Variants in CDR2 observed in about 807,000 individuals in gnomAD.
CDR2 encodes the protein cerebellar degeneration related protein 2.
Under a neutral mutation model 48.4 loss-of-function variants are expected in CDR2, and 34 were observed. That is an observed-to-expected ratio of 0.70 (90% CI 0.53 to 0.94). The LOEUF (loss-of-function observed/expected upper bound fraction) is 0.94, where lower values mean the gene tolerates loss of function less well. Ranked by LOEUF, CDR2 falls within the 40% of genes least tolerant of loss-of-function variation. The pLI is 0.00. For synonymous variants in CDR2, 240 were observed against 219.7 expected (o/e 1.09, Z -0.82); for missense variants, 498 against 549.5 (o/e 0.91, Z 0.94).
intron 2 of CDR2, among the ~76,000 whole-genome samples, chr16:22,352,801 G>A (rs1057503224): frequency 6.6e-6 from 1 of 152,150 alleles, no homozygotes; most frequent in African/African-American, 2.4e-5. Flanking sequence ...CACATGGCAC[G>A]GTCTATAAAA....
intron 1 of CDR2, among the ~76,000 whole-genome samples, chr16:22,366,225 A>C (rs1437707923): frequency 6.6e-6 from 1 of 152,202 alleles, no homozygotes; most frequent in Non-Finnish European, 1.5e-5. Flanking sequence ...TACTGTGATA[A>C]ACAGTATTCA....
At chr16:22,354,327 A>T (rs1360307188) in intron 2 of CDR2, among the ~76,000 whole-genome samples, 1 of 152,180 alleles carries the variant, frequency 6.6e-6, no homozygotes, top group Non-Finnish European at 1.5e-5. Flanking sequence ...TGGATCAATG[A>T]TGACTCTTCA....
Position 22,349,393 on chromosome 16 carries a change from C to G in CDR2, c.392G>C (p.Ser131Thr). 6.2e-7 allele frequency: 1 copy of G among 1,614,136 alleles called. No individual in the cohort carries two copies. Among genetic ancestry groups the G allele is most frequent in the Non-Finnish European group, 8.5e-7 (1 of 1,179,996 alleles). The change falls in exon 4 of 5, where the codon AGC becomes ACC. Residue 131 changes from serine (S) to threonine (T), a missense_variant. Coordinates refer to ENST00000268383, the MANE Select transcript of CDR2 (RefSeq NM_001802.2). ...AGATGACTTCAGCTCCTCCACTTGGCTCTGGAGGTGATCAATGTTGGTTTG... is the reference window on the plus strand; with the variant it reads ...AGATGACTTCAGCTCCTCCACTTGGGTCTGGAGGTGATCAATGTTGGTTTG... Reference protein sequence around the residue: ...CLQTNIDHLQSQVEELKSSGQ... With the variant: ...CLQTNIDHLQTQVEELKSSGQ...
chr16:22,356,804 T>C (rs78374258), intron 2 of CDR2, among the ~76,000 whole-genome samples: 2 of 150,582 alleles, frequency 1.3e-5, no homozygotes, highest in South Asian at 2.1e-4. Context: ...GGCAAGGTAG[T>C]GTATGCCTGT....
chr16:22,373,962 A>G (rs1598298811), intron 1 of CDR2, among the ~76,000 whole-genome samples: 2 of 152,320 alleles, frequency 1.3e-5, no homozygotes, highest in African/African-American at 4.8e-5. Context: ...TAATCCACGG[A>G]AAGCGCTTAA....
chr16:22,349,439 T>A lies in CDR2; in HGVS notation c.346A>T (p.Thr116Ser), dbSNP rs1016405779. Residue 116 changes from threonine (T) to serine (S), a missense_variant, in exon 4 of 5, where the codon ACT becomes TCT. Coordinates refer to ENST00000268383, the MANE Select transcript of CDR2 (RefSeq NM_001802.2). ...KASQQKILSL[T>S]ETIECLQTNI... ...GTTTGCAGGCATTCAATCGTTTCAG[T>A]CAGGCTGTGAGGAACAGACAGAAGC... 6.2e-7 allele frequency: 1 copy of A among 1,614,026 alleles called. No individual in the cohort carries two copies. Among genetic ancestry groups the A allele is most frequent in the African/African-American group, 1.3e-5 (1 of 74,918 alleles).
At chr16:22,351,402 T>C (rs2048941144) in intron 2 of CDR2, among the ~76,000 whole-genome samples, 1 of 152,176 alleles carries the variant, frequency 6.6e-6, no homozygotes, top group Admixed American at 6.5e-5. Flanking sequence ...CTGGGTCAAA[T>C]GGTAATTCTA....
Position 22,374,178 on chromosome 16 carries a change from G to T in CDR2, c.79+53C>A, listed in dbSNP as rs558458667. Reference sequence around the variant, plus strand: ...AGCAACTTTTTAACAGTTTCGCAGCGGGGGCCTCCCGGGCCAGGCCGCCGC... The same window carrying T: ...AGCAACTTTTTAACAGTTTCGCAGCTGGGGCCTCCCGGGCCAGGCCGCCGC... On this transcript the variant is annotated intron_variant, in intron 1 of 4. Transcript: ENST00000268383. 1.0e-5 allele frequency: 12 copies of T among 1,186,680 alleles called. 1 individual carries two copies. The highest frequency in any genetic ancestry group is 1.3e-5 in the South Asian group (1 of 78,382). The allele number at this position is 1,186,680 out of a possible 1,614,324, so 73.5% of individuals were successfully genotyped here. A position where few individuals can be genotyped will look rare whatever the true frequency, so the allele number is the denominator to read the frequency against.
At position 22,347,388 on chromosome 16, in the gene CDR2, G is replaced by A. The variant is rs2048913452; in HGVS notation, c.942C>T (p.Ile314=). Residue 314 remains isoleucine, a synonymous_variant, in exon 5 of 5, where the codon ATC becomes ATT. Coordinates refer to ENST00000268383, the MANE Select transcript of CDR2 (RefSeq NM_001802.2). ...TGTCACTCCCTGCCAAGCTGCTGAG[G>A]ATCGTCTCACTGCTGCTGCGCTTGA... ...KPLKRSSSET[I]LSSLAGSDIV... 2.5e-6 allele frequency: 4 copies of A among 1,614,092 alleles called. No homozygotes were observed. The highest frequency in any genetic ancestry group is 1.6e-4 in the Middle Eastern group (1 of 6,084).
At chr16:22,350,371 C>T (rs1466804426) in intron 2 of CDR2, among the ~76,000 whole-genome samples, 1 of 152,156 alleles carries the variant, frequency 6.6e-6, no homozygotes, top group East Asian at 1.9e-4. Context: ...TCTCTCACAT[C>T]AGCATGATTG....
intron 2 of CDR2, among the ~76,000 whole-genome samples, chr16:22,362,954 C>CT (rs1278079544): frequency 0.027 from 3,714 of 137,758 alleles, 106 homozygotes; most frequent in East Asian, 0.1. Flanking sequence ...TACAGTAGGT[C>CT]TTTTTTTTTT....
Position 22,374,482 on chromosome 16 carries a change from C to A in CDR2, c.-173G>T. ...CCCGTTCCCGCCGGCGGCCGCCGAC[C>A]GGCCGGCTGCCTCGACTCGCCTCGC... is the stretch of plus-strand genomic sequence containing the variant. On this transcript the variant is annotated 5_prime_UTR_variant, in exon 1 of 5. Coordinates refer to ENST00000268383, the MANE Select transcript of CDR2 (RefSeq NM_001802.2). 7.8e-6 allele frequency: 2 copies of A among 255,008 alleles called. No homozygotes were observed. Among genetic ancestry groups the A allele is most frequent in the Non-Finnish European group, 7.3e-6 (1 of 136,244 alleles). The allele number at this position is 255,008 out of a possible 1,614,324, so 15.8% of individuals were successfully genotyped here.
chr16:22,370,830 T>C (rs1395497776), intron 1 of CDR2, among the ~76,000 whole-genome samples: 1 of 152,212 alleles, frequency 6.6e-6, no homozygotes, highest in African/African-American at 2.4e-5. Flanking sequence ...GAAACTTTGA[T>C]ACAAAGATTC....
At position 22,347,049 on chromosome 16, in the gene CDR2, C is replaced by T; in HGVS notation, c.1281G>A (p.Lys427=). The change falls in exon 5 of 5, where the codon AAG becomes AAA. Residue 427 remains lysine, a synonymous_variant. Coordinates refer to ENST00000268383, the MANE Select transcript of CDR2 (RefSeq NM_001802.2). ...TTTTCTTGATGCAACTAAAGATCTC[C>T]TTAAACAACGCTTTGTATTCTGGAG... ...TTPPEYKALF[K]EIFSCIKKTK... The T allele has an allele frequency of 6.2e-7, 1 of 1,614,196 alleles. No homozygotes were observed. The highest frequency in any genetic ancestry group is 8.5e-7 in the Non-Finnish European group (1 of 1,180,016).
intron 2 of CDR2, among the ~76,000 whole-genome samples, chr16:22,354,644 T>C (rs1474461760): frequency 6.6e-6 from 1 of 152,068 alleles, no homozygotes; most frequent in Middle Eastern, 3.4e-3. Flanking sequence ...TCCCAGCACT[T>C]TGGGAGGCCA....
At chr16:22,372,417 C>A (rs1022820255) in intron 1 of CDR2, among the ~76,000 whole-genome samples, 1 of 152,106 alleles carries the variant, frequency 6.6e-6, no homozygotes, top group Non-Finnish European at 1.5e-5. Flanking sequence ...ATATTAAAAT[C>A]GAGCTTCCAG....
chr16:22,365,726 T>C (rs2049040941), intron 1 of CDR2, among the ~76,000 whole-genome samples: 1 of 152,234 alleles, frequency 6.6e-6, no homozygotes. Flanking sequence ...CAGGATTTGT[T>C]TATATTATAC....
At position 22,366,787 on chromosome 16, in the gene CDR2, T is replaced by C. The variant is rs149496681; in HGVS notation, c.80-1773A>G. On this transcript the variant is annotated intron_variant, in intron 1 of 4. Coordinates refer to ENST00000268383, the MANE Select transcript of CDR2 (RefSeq NM_001802.2). Reference sequence around the variant, plus strand: ...AACAGGATCACTCCGGCTGCTGTTATACAGGGTGAATGGGACAAAGGTGGG... The same window carrying C: ...AACAGGATCACTCCGGCTGCTGTTACACAGGGTGAATGGGACAAAGGTGGG... Among the ~76,000 whole-genome samples, 460 of 152,224 alleles carry C rather than the reference T, an allele frequency of 3.0e-3. 4 individuals carry two copies. The highest frequency in any genetic ancestry group is 0.011 in the African/African-American group (446 of 41,550).
Position 22,346,002 on chromosome 16 carries a change from TTAAA to T in CDR2, c.*959_*962del, listed in dbSNP as rs2048901568. 6.5e-6 allele frequency: 1 copy of T among 152,690 alleles called. No homozygotes were observed. The highest frequency in any genetic ancestry group is 2.4e-5 in the African/African-American group (1 of 41,470). The allele number at this position is 152,690 out of a possible 1,614,324, so 9.5% of individuals were successfully genotyped here. On this transcript the variant is annotated 3_prime_UTR_variant, in exon 5 of 5. Transcript: ENST00000268383. Reference sequence around the variant, plus strand: ...TATACAATAATCGGAACATCAGTTCTTAAATAGTTTTAAGTTAAAAGAATGCAAG... The same window carrying T: ...TATACAATAATCGGAACATCAGTTCTTAGTTTTAAGTTAAAAGAATGCAAG...
Sources: gnomAD v4.1 joint callset for allele counts (sites outside exome capture counted in the v4.1 genomes callset) on GRCh38, gnomAD v4.1.1 for gene constraint, MANE v1.5 for transcripts, NCBI Gene and HGNC (gene_info 2026-07-23, HGNC 2026-07-21) for gene names.